LGI2: variants seen among roughly 807,000 people sequenced by gnomAD.
LGI2 encodes leucine rich repeat LGI family member 2.
In LGI2, 30 loss-of-function variants were observed where a neutral mutation model predicts 52.0. The ratio of observed to expected loss-of-function variants is 0.58; its 90% CI spans 0.43 to 0.78. The LOEUF (loss-of-function observed/expected upper bound fraction) is 0.78. Among genes scored for constraint, LGI2 ranks in the 30% least tolerant of loss-of-function variants. The pLI is 0.00. For missense variants in LGI2, 573 were observed against 692.5 expected (o/e 0.83, Z 1.94); for synonymous variants, 270 against 271.8 (o/e 0.99, Z 0.06).
At chr4:24,992,213 C>T in the LGI2 span, among the ~76,000 whole-genome samples, 2 of 152,184 alleles carry the variant, frequency 1.3e-5, no homozygotes, top group Admixed American at 6.5e-5. Flanking sequence ...CTCTGGGTCT[C>T]CACTTCCTAC....
chr4:25,014,484 C>CCCCACA (rs1553871855), intron 6 of LGI2, among the ~76,000 whole-genome samples: 1 of 116,804 alleles, frequency 8.6e-6, no homozygotes, highest in African/African-American at 3.5e-5. Context: ...CCGCCCCCGC[C>CCCCACA]AAAAAAAAGG....
At chr4:25,015,911 T>G (rs1182715097) in intron 6 of LGI2, among the ~76,000 whole-genome samples, 1 of 152,186 alleles carries the variant, frequency 6.6e-6, no homozygotes, top group African/African-American at 2.4e-5. Flanking sequence ...CTCATCTCTG[T>G]TTGTGAGTCT....
At chr4:24,992,307 C>T in the LGI2 span, among the ~76,000 whole-genome samples, 21 of 152,108 alleles carry the variant, frequency 1.4e-4, no homozygotes, top group East Asian at 1.9e-4. Context: ...CTTGTCCCAC[C>T]GCCCCCCACC....
Position 24,999,920 on chromosome 4 carries a change from T to C in LGI2, c.*3531A>G. ...CTTCTTGTTTATCTGGTGGACAATG[T>C]GACAAGAACCAGATGTGTCTCAACC... On this transcript the variant is annotated 3_prime_UTR_variant, in exon 8 of 8. Coordinates refer to ENST00000382114, the MANE Select transcript of LGI2 (RefSeq NM_018176.4). 1 of 455,024 alleles carries C rather than the reference T, an allele frequency of 2.2e-6. No individual in the cohort carries two copies. 28.2% of individuals were successfully genotyped at this position (455,024 alleles called of 1,614,324 possible). A position where few individuals can be genotyped will look rare whatever the true frequency, so the allele number is the denominator to read the frequency against.
At chr4:25,016,121 C>T (rs2109416104) in intron 6 of LGI2, among the ~76,000 whole-genome samples, 1 of 152,336 alleles carries the variant, frequency 6.6e-6, no homozygotes, top group Middle Eastern at 3.4e-3. Context: ...TTCCAAGCTA[C>T]CACCATTCCA....
At chr4:24,994,627 G>C (rs1725005638), downstream of LGI2, among the ~76,000 whole-genome samples, 1 of 152,176 alleles carries the variant, frequency 6.6e-6, no homozygotes, top group Non-Finnish European at 1.5e-5. Flanking sequence ...ATGTGACCAG[G>C]TATGTCGAAA....
At position 25,001,738 on chromosome 4, in the gene LGI2, G is replaced by A. The variant is rs1725244672; in HGVS notation, c.*1713C>T. 6.6e-6 allele frequency: 1 copy of A among 152,080 alleles called. No homozygotes were observed. 9.4% of individuals were successfully genotyped at this position (152,080 alleles called of 1,614,324 possible). A position where few individuals can be genotyped will look rare whatever the true frequency, so the allele number is the denominator to read the frequency against. ...AAGCCTCAGCCTACAGTCCCAGAAT[G>A]TACCCAAGAGTGCTGATGTAACATC... On this transcript the variant is annotated 3_prime_UTR_variant, in exon 8 of 8. Coordinates refer to ENST00000382114, the MANE Select transcript of LGI2 (RefSeq NM_018176.4).
chr4:25,021,077 T>TA (rs901713321), intron 4 of LGI2, among the ~76,000 whole-genome samples: 11 of 150,088 alleles, frequency 7.3e-5, no homozygotes, highest in Non-Finnish European at 1.5e-4. Context: ...ACTGTATTGA[T>TA]ATGATAAGTA....
chr4:24,996,915 C>A (rs893475096), downstream of LGI2, among the ~76,000 whole-genome samples: 1 of 152,214 alleles, frequency 6.6e-6, no homozygotes, highest in African/African-American at 2.4e-5. Context: ...TTGGGGCCCA[C>A]ATAGAGATTC....
chr4:25,022,834 C>T (rs970691049), intron 4 of LGI2, among the ~76,000 whole-genome samples: 2 of 152,214 alleles, frequency 1.3e-5, no homozygotes, highest in Non-Finnish European at 2.9e-5. Context: ...TAACTCAGCC[C>T]GTCACATGGG....
intron 1 of LGI2, among the ~76,000 whole-genome samples, chr4:25,029,151 T>G (rs568414920): frequency 2.6e-5 from 4 of 152,214 alleles, no homozygotes; most frequent in Non-Finnish European, 4.4e-5. Flanking sequence ...GCTTTATTTC[T>G]GCCCCCAGGC....
chr4:25,028,967 T>G (rs1003665378), intron 1 of LGI2, among the ~76,000 whole-genome samples: 1 of 152,224 alleles, frequency 6.6e-6, no homozygotes, highest in Admixed American at 6.5e-5. Flanking sequence ...TATGAAATGC[T>G]GGGGTAGGAT....
At chr4:25,021,795 GTGGCACACGC>G (rs372858011) in intron 4 of LGI2, among the ~76,000 whole-genome samples, 24 of 152,156 alleles carry the variant, frequency 1.6e-4, no homozygotes, top group African/African-American at 5.1e-4. Context: ...GCCAGGCATG[GTGGCACACGC>G]CTGTAGTCCC....
chr4:24,993,677 T>G, the LGI2 span, among the ~76,000 whole-genome samples: 2 of 152,236 alleles, frequency 1.3e-5, no homozygotes, highest in Non-Finnish European at 2.9e-5. Context: ...TTGTTTGAAC[T>G]CACTTATTTT....
chr4:25,027,406 A>T (rs1726187457), intron 2 of LGI2, among the ~76,000 whole-genome samples: 1 of 152,086 alleles, frequency 6.6e-6, no homozygotes, highest in South Asian at 2.1e-4. Flanking sequence ...AAAAAAAAAA[A>T]AAAAAAGTTT....
chr4:25,010,927 A>C (rs1343396553), intron 7 of LGI2, among the ~76,000 whole-genome samples: 1 of 151,740 alleles, frequency 6.6e-6, no homozygotes, highest in African/African-American at 2.4e-5. Context: ...TACAAAAAAC[A>C]AAAAATTAGC....
intron 3 of LGI2, among the ~76,000 whole-genome samples, 172 bp downstream of exon 3, chr4:25,026,696 C>T (rs1161661725): frequency 6.6e-6 from 1 of 152,192 alleles, no homozygotes; most frequent in African/African-American, 2.4e-5. Flanking sequence ...CCTTCCCCAG[C>T]ATGTTTGTAA....
intron 5 of LGI2, 119 bp downstream of exon 5, chr4:25,019,048 T>C (rs1023217854): frequency 2.8e-6 from 2 of 725,888 alleles, no homozygotes; most frequent in Admixed American, 2.5e-5. Context: ...CACTACTTTG[T>C]TATAGATTTT....
At chr4:25,018,204 G>A (rs749224618) in intron 5 of LGI2, 46 bp from the exon 6 acceptor site, 2 of 1,388,800 alleles carry the variant, frequency 1.4e-6, no homozygotes, top group South Asian at 1.4e-5. Flanking sequence ...AGAAATAGAT[G>A]TGTCTGACAT....
Sources: gnomAD v4.1 joint callset for allele counts (sites outside exome capture counted in the v4.1 genomes callset) on GRCh38, gnomAD v4.1.1 for gene constraint, MANE v1.5 for transcripts, NCBI Gene and HGNC (gene_info 2026-07-23, HGNC 2026-07-21) for gene names.